The following TRPM8 variants were observed in gnomAD, a reference collection of about 807,000 sequenced individuals.
TRPM8 encodes TRPM8 cationic channel.
TRPM8 carries 110 observed loss-of-function variants against 133.7 expected under a neutral mutation model. The ratio of observed to expected loss-of-function variants is 0.82; its 90% CI spans 0.70 to 0.96. TRPM8 has a LOEUF of 0.96. Among genes scored for constraint, TRPM8 ranks in the 40% least tolerant of loss-of-function variants. TRPM8 has a pLI of 0.00. For synonymous variants in TRPM8, 535 were observed against 532.3 expected (o/e 1.01, Z -0.07); for missense variants, 1,291 against 1,379.5 (o/e 0.94, Z 1.02).
chr2:233,956,328 T>G (rs1056407874), intron 11 of TRPM8, among the ~76,000 whole-genome samples: 7 of 151,864 alleles, frequency 4.6e-5, no homozygotes, highest in Non-Finnish European at 1.0e-4. Flanking sequence ...ATAAAAAGTG[T>G]TTTTTTTCTT....
At chr2:233,982,845 C>T (rs1285083115) in intron 19 of TRPM8, among the ~76,000 whole-genome samples, 4 of 152,104 alleles carry the variant, frequency 2.6e-5, no homozygotes, top group Admixed American at 6.5e-5. Context: ...TGCATCAAAC[C>T]GGTTTTAACT....
chr2:233,996,244 A>T, intron 21 of TRPM8, 82 bp from the exon 22 acceptor site: 1 of 1,274,928 alleles, frequency 7.8e-7, no homozygotes, highest in Non-Finnish European at 1.1e-6. Context: ...GTAATAGCTT[A>T]ATACCACTAT....
At chr2:234,002,719 T>C (rs955061430) in intron 22 of TRPM8, among the ~76,000 whole-genome samples, 1 of 152,116 alleles carries the variant, frequency 6.6e-6, no homozygotes, top group Non-Finnish European at 1.5e-5. Flanking sequence ...TTAAGGGCAA[T>C]TTGGAAGTGG....
chr2:233,961,330 G>T (rs890289007), intron 12 of TRPM8, among the ~76,000 whole-genome samples: 20 of 152,000 alleles, frequency 1.3e-4, no homozygotes, highest in African/African-American at 4.6e-4. Flanking sequence ...TTTTGAGATG[G>T]AGTCTCGCTC....
At chr2:233,995,820 G>T (rs955258263) in intron 21 of TRPM8, among the ~76,000 whole-genome samples, 18 of 151,896 alleles carry the variant, frequency 1.2e-4, no homozygotes, top group Non-Finnish European at 2.2e-4. Context: ...TTTTTTCTTA[G>T]TATTTCCTTA....
rs140220585 is a variant in TRPM8 at position 233,975,486 on chromosome 2, C to T, written c.2356-4702C>T. Among the ~76,000 whole-genome samples, 4 of 152,316 alleles carry T rather than the reference C, an allele frequency of 2.6e-5. No homozygotes were observed. The East Asian group carries it at 7.7e-4, about 29-fold the overall frequency. On this transcript the variant is annotated intron_variant, in intron 17 of 25. Transcript: ENST00000324695. Reference sequence around the variant, plus strand: ...TGCTACTTTTCACCCCTCAGGCTCCCAAACATTTCTCTACCTGTCCCTGAC... The same window carrying T: ...TGCTACTTTTCACCCCTCAGGCTCCTAAACATTTCTCTACCTGTCCCTGAC...
chr2:233,992,097 A>G lies in TRPM8; in HGVS notation c.2940-4229A>G, dbSNP rs188319540. On this transcript the variant is annotated intron_variant, in intron 21 of 25. Coordinates refer to ENST00000324695, the MANE Select transcript of TRPM8 (RefSeq NM_024080.5). ...TTTCCAGCCACTTATGGTAGGGGGA[A>G]AAAAGTAAGGTACTTTTTCTATTAT... Among the ~76,000 whole-genome samples, 324 of 152,284 alleles carry G rather than the reference A, an allele frequency of 2.1e-3. 1 individual carries two copies. The highest frequency in any genetic ancestry group is 3.2e-3 in the Non-Finnish European group (218 of 68,020).
chr2:233,933,238 G>A (rs1204158817), intron 3 of TRPM8, among the ~76,000 whole-genome samples: 2 of 152,040 alleles, frequency 1.3e-5, no homozygotes, highest in Admixed American at 1.3e-4. Flanking sequence ...TTTCTTCCCT[G>A]GTGGAAATAT....
At chr2:233,932,035 G>T (rs1691689757) in intron 3 of TRPM8, among the ~76,000 whole-genome samples, 1 of 152,198 alleles carries the variant, frequency 6.6e-6, no homozygotes, top group Non-Finnish European at 1.5e-5. Context: ...ACCGTCAGTT[G>T]CCTCCCTTTC....
At chr2:234,012,899 C>T in intron 24 of TRPM8, among the ~76,000 whole-genome samples, 1 of 151,612 alleles carries the variant, frequency 6.6e-6, no homozygotes, top group Admixed American at 6.6e-5. Context: ...GTCTTTCATT[C>T]TGTTAATGTA....
At chr2:233,927,712 TTC>T (rs1453452107) in intron 2 of TRPM8, among the ~76,000 whole-genome samples, 1 of 13,716 alleles carries the variant, frequency 7.3e-5, no homozygotes, top group African/African-American at 6.8e-4. Flanking sequence ...GTCTGTCTCT[TTC>T]TTTCTTTCTT....
intron 2 of TRPM8, 113 bp from the exon 3 acceptor site, chr2:233,930,555 T>A: frequency 1.5e-6 from 1 of 672,706 alleles, no homozygotes; most frequent in Non-Finnish European, 2.4e-6. Context: ...TATGAATATG[T>A]GGTAAATTCT....
rs78564170 is a variant in TRPM8 at position 233,993,443 on chromosome 2, C to A, written c.2940-2883C>A. The stretch of plus-strand genomic sequence containing the variant: ...TGCACTGTAGCTCAGGGATCACAGA[C>A]TTTCTCTGTAAGGGCCAGCTAGGGT... On this transcript the variant is annotated intron_variant, in intron 21 of 25. Transcript: ENST00000324695. Among the ~76,000 whole-genome samples the A allele has an allele frequency of 3.0e-3, 450 of 152,296 alleles. 5 individuals are homozygous for A. Among genetic ancestry groups the A allele is most frequent in the African/African-American group, 0.011 (440 of 41,562 alleles).
intron 4 of TRPM8, 117 bp downstream of exon 4, chr2:233,937,626 CA>C: frequency 8.5e-7 from 1 of 1,171,024 alleles, no homozygotes; most frequent in Non-Finnish European, 1.2e-6. Flanking sequence ...TAGTAAACAC[CA>C]AAAACGATTG....
rs756899392 is a variant in TRPM8, at chr2:234,008,080, C to T, written c.3241C>T (p.Arg1081Ter). Residue 1081 changes from arginine (R) to a stop codon, truncating the protein, a stop_gained, in exon 24 of 26, where the codon CGA becomes TGA. Coordinates refer to ENST00000324695, the MANE Select transcript of TRPM8 (RefSeq NM_024080.5). LOFTEE classifies it high-confidence loss of function. ...ANDTSEEMRH[R>*]FRQLDTKLND... ...TTAACTTCTTTGCAGAATGAGGCAT[C>T]GATTTAGACAACTGGATACAAAGGT... The T allele has an allele frequency of 1.0e-5, 16 of 1,602,964 alleles. No individual in the cohort carries two copies. Among genetic ancestry groups the T allele is most frequent in the African/African-American group, 8.1e-5 (6 of 73,850 alleles).
At chr2:233,977,842 A>G (rs1691907480) in intron 17 of TRPM8, among the ~76,000 whole-genome samples, 1 of 152,230 alleles carries the variant, frequency 6.6e-6, no homozygotes, top group South Asian at 2.1e-4. Context: ...TATTTTAGCT[A>G]TATGGCAAGA....
Position 233,930,761 on chromosome 2 carries a change from C to G in TRPM8, c.191+20C>G. 6.4e-7 allele frequency: 1 copy of G among 1,570,824 alleles called. No homozygotes were observed. Among genetic ancestry groups the G allele is most frequent in the Non-Finnish European group, 8.7e-7 (1 of 1,148,778 alleles). On this transcript the variant is annotated intron_variant, in intron 3 of 25. Coordinates refer to ENST00000324695, the MANE Select transcript of TRPM8 (RefSeq NM_024080.5). ...GGCCACGTAAGCTACTATTTTCCCT[C>G]CAGTTTTGCTTTCCAAGTTCAAAAA...
In TRPM8 at chr2:233,938,961, C is replaced by T. The variant is rs1384878060; in HGVS notation, c.349-37C>T. On this transcript the variant is annotated intron_variant, in intron 4 of 25. Transcript: ENST00000324695. The stretch of plus-strand genomic sequence containing the variant: ...GCTAAACCCCGACCTCAGGAGAACA[C>T]AGGCCTATCCTGATACTTCTGCTTC... 4 of 1,602,874 alleles carry T rather than the reference C, an allele frequency of 2.5e-6. No homozygotes were observed. In the South Asian group the frequency reaches 4.4e-5, roughly 18 times the overall value.
intron 19 of TRPM8, among the ~76,000 whole-genome samples, chr2:233,982,393 G>T (rs905347527): frequency 2.0e-5 from 3 of 152,188 alleles, no homozygotes; most frequent in Non-Finnish European, 4.4e-5. Flanking sequence ...GCAATAGAAA[G>T]AATTACACAT....
Sources: allele counts gnomAD v4.1 joint callset (sites outside exome capture counted in the v4.1 genomes callset), GRCh38; gene constraint gnomAD v4.1.1; transcripts MANE v1.5; gene names NCBI Gene and HGNC (gene_info 2026-07-23, HGNC 2026-07-21).